The following TMED3 variants were observed in gnomAD, a reference collection of about 807,000 sequenced individuals.
The protein encoded by TMED3 is transmembrane p24 trafficking protein 3.
TMED3 carries 9 observed loss-of-function variants against 15.0 expected under a neutral mutation model. The ratio of observed to expected loss-of-function variants is 0.60; its 90% CI spans 0.36 to 1.04. The LOEUF (loss-of-function observed/expected upper bound fraction) is 1.04, where lower values mean the gene tolerates loss of function less well. Ranked by LOEUF, TMED3 falls within the 50% of genes least tolerant of loss-of-function variation. The pLI, the probability that TMED3 is intolerant of heterozygous loss-of-function variation, is 0.01. For synonymous variants in TMED3, 117 were observed against 121.4 expected (o/e 0.96, Z 0.24); for missense variants, 267 against 278.9 (o/e 0.96, Z 0.30).
chr15:79,358,087 T>C (rs571768228), intron 2 of TMED3, among the ~76,000 whole-genome samples: 46 of 152,330 alleles, frequency 3.0e-4, no homozygotes, highest in Admixed American at 1.0e-3. Flanking sequence ...CACTGAAGCA[T>C]GCCTGTTTAT....
intron 2 of TMED3, among the ~76,000 whole-genome samples, chr15:79,406,086 C>T (rs74025390): frequency 0.022 from 3,368 of 152,238 alleles, 124 homozygotes; most frequent in African/African-American, 0.077. Flanking sequence ...ATATCTATTT[C>T]GTTTTTGCGG....
rs781025741 is a variant in TMED3, at chr15:79,313,964, A to T, written c.376A>T (p.Ile126Phe). 1.9e-6 allele frequency: 3 copies of T among 1,614,070 alleles called. No individual in the cohort carries two copies. The highest frequency in any genetic ancestry group is 2.5e-6 in the Non-Finnish European group (3 of 1,180,036). Residue 126 changes from isoleucine (I) to phenylalanine (F), a missense_variant, in exon 2 of 3, where the codon ATT becomes TTT. Ile to Phe is a conservative substitution (Grantham distance 21). This residue lies in a region of TMED3 where 139 missense variants were observed against 125.0 expected (regional missense o/e 1.11). Coordinates refer to ENST00000299705, the MANE Select transcript of TMED3 (RefSeq NM_007364.4). Reference protein sequence around the residue: ...FDFQVGDEPPILPDMGNRVTA... With the variant: ...FDFQVGDEPPFLPDMGNRVTA... ...CTTTCAAGTGGGCGATGAGCCTCCC[A>T]TTCTCCCAGACATGGGGAACAGGGT... is the stretch of plus-strand genomic sequence containing the variant.
intron 2 of TMED3, among the ~76,000 whole-genome samples, chr15:79,376,728 C>G (rs1263006672): frequency 6.6e-6 from 1 of 152,226 alleles, no homozygotes; most frequent in Admixed American, 6.5e-5. Flanking sequence ...TCCATCATAA[C>G]CTCAAAATAT....
chr15:79,338,731 G>A lies in TMED3; in HGVS notation c.417+24726G>A, dbSNP rs746531151. ...GATAAGAGCTGAGGGGACATAGTGAGGAGTGACCAGAAGACAGAGTGCGAG... is the reference window on the plus strand; with the variant it reads ...GATAAGAGCTGAGGGGACATAGTGAAGAGTGACCAGAAGACAGAGTGCGAG... On this transcript the variant is annotated intron_variant, in intron 2 of 2. Transcript: ENST00000424155. Among the ~76,000 whole-genome samples the A allele has an allele frequency of 9.9e-3, 1,513 of 152,286 alleles. 30 individuals carry two copies. The highest frequency in any genetic ancestry group is 0.034 in the African/African-American group (1,424 of 41,538).
At chr15:79,385,974 A>C (rs1196969398) in intron 2 of TMED3, among the ~76,000 whole-genome samples, 2 of 152,314 alleles carry the variant, frequency 1.3e-5, no homozygotes, top group African/African-American at 2.4e-5. Context: ...CACAGTCTTC[A>C]TTTAACCCCC....
At chr15:79,311,471 C>G (rs990466925) in intron 1 of TMED3, 54 bp downstream of exon 1, 41 of 1,550,770 alleles carry the variant, frequency 2.6e-5, no homozygotes, top group Non-Finnish European at 3.5e-5. Flanking sequence ...CAGGTCTCAC[C>G]TGGACACTGG....
At chr15:79,312,880 T>C (rs532551280) in intron 1 of TMED3, among the ~76,000 whole-genome samples, 1 of 152,228 alleles carries the variant, frequency 6.6e-6, no homozygotes, top group African/African-American at 2.4e-5. Context: ...ACCTGTCTGT[T>C]ATTGGAACGG....
At chr15:79,382,427 A>G (rs1043235061) in intron 2 of TMED3, among the ~76,000 whole-genome samples, 2 of 152,240 alleles carry the variant, frequency 1.3e-5, no homozygotes, top group Non-Finnish European at 2.9e-5. Context: ...CTTGGCTGAC[A>G]GTAGTACCTG....
intron 2 of TMED3, among the ~76,000 whole-genome samples, chr15:79,401,310 A>C (rs1296307729): frequency 6.6e-6 from 1 of 152,210 alleles, no homozygotes; most frequent in Non-Finnish European, 1.5e-5. Flanking sequence ...GCTGCTTGAC[A>C]AATATTTAAT....
At chr15:79,383,717 C>G (rs1031222942) in intron 2 of TMED3, 4 of 152,314 alleles carry the variant, frequency 2.6e-5, no homozygotes, top group African/African-American at 9.7e-5. Flanking sequence ...ACTTTGATCT[C>G]TAGCCCCTCC....
exon 3 of TMED3, chr15:79,411,590 C>G (rs1893981024): frequency 1.5e-6 from 1 of 678,224 alleles, no homozygotes; most frequent in South Asian, 1.6e-5. Context: ...CTGCACAGAG[C>G]TACCATGCAC....
At position 79,311,151 on chromosome 15, in the gene TMED3, C is replaced by A. The variant is rs944707024; in HGVS notation, c.-99C>A. ...AGAGCTCCGCTGGTGCCACGTCTAT[C>A]CCCTTACATCCTCCTAGGACCCGGT... On this transcript the variant is annotated 5_prime_UTR_variant, in exon 1 of 3. Coordinates refer to ENST00000299705, the MANE Select transcript of TMED3 (RefSeq NM_007364.4). 3.8e-6 allele frequency: 5 copies of A among 1,323,352 alleles called. No homozygotes were observed. The South Asian group carries it at 4.5e-5, about 12-fold the overall frequency. The allele number at this position is 1,323,352 out of a possible 1,614,324, so 82.0% of individuals were successfully genotyped here.
intron 2 of TMED3, among the ~76,000 whole-genome samples, chr15:79,320,471 G>T (rs961971383): frequency 6.6e-6 from 1 of 151,814 alleles, no homozygotes; most frequent in Admixed American, 6.6e-5. Flanking sequence ...CTCTTGCCTC[G>T]GCACCTGGGT....
intron 2 of TMED3, among the ~76,000 whole-genome samples, chr15:79,407,796 C>T (rs12908177): frequency 6.6e-6 from 1 of 152,004 alleles, no homozygotes; most frequent in Non-Finnish European, 1.5e-5. Flanking sequence ...CGTTTGCTCA[C>T]GCCTGCTTTG....
At chr15:79,318,471 G>T (rs2058750420) in intron 2 of TMED3, among the ~76,000 whole-genome samples, 3 of 152,186 alleles carry the variant, frequency 2.0e-5, no homozygotes, top group African/African-American at 7.2e-5. Context: ...CATCCTACAA[G>T]TGTCTATCCT....
chr15:79,373,480 A>G (rs544300901), intron 2 of TMED3, among the ~76,000 whole-genome samples: 1 of 152,338 alleles, frequency 6.6e-6, no homozygotes, highest in South Asian at 2.1e-4. Flanking sequence ...CATTCCTGCA[A>G]ATGAACAGAA....
At chr15:79,314,506 T>C (rs772093333) in intron 2 of TMED3, 33 of 454,852 alleles carry the variant, frequency 7.3e-5, no homozygotes, top group Non-Finnish European at 1.3e-4. Flanking sequence ...GAATCCAGGC[T>C]CATTCTTTCT....
chr15:79,410,741 A>C (rs952118834), intron 2 of TMED3, among the ~76,000 whole-genome samples: 4 of 151,772 alleles, frequency 2.6e-5, no homozygotes, highest in Non-Finnish European at 5.9e-5. Flanking sequence ...CATGTATATG[A>C]ATAACAGCCC....
At chr15:79,390,484 C>A (rs552206978) in intron 2 of TMED3, among the ~76,000 whole-genome samples, 1 of 151,990 alleles carries the variant, frequency 6.6e-6, no homozygotes, top group Non-Finnish European at 1.5e-5. Context: ...TTGTTGGATT[C>A]GTTAGCTAGT....
Sources: allele counts gnomAD v4.1 joint callset (sites outside exome capture counted in the v4.1 genomes callset), GRCh38; gene constraint gnomAD v4.1.1; regional missense constraint gnomAD v4.1.1; transcripts MANE v1.5; gene names NCBI Gene and HGNC (gene_info 2026-07-23, HGNC 2026-07-21).